The following CYLD variants were observed in gnomAD, a reference collection of about 807,000 sequenced individuals.
CYLD encodes ubiquitin carboxyl-terminal hydrolase CYLD.
A neutral mutation model predicts 104.5 loss-of-function variants in CYLD; 26 were observed. The ratio of observed to expected loss-of-function variants is 0.25; its 90% CI spans 0.18 to 0.35. The LOEUF (loss-of-function observed/expected upper bound fraction) is 0.35. Among genes scored for constraint, CYLD ranks in the 10% least tolerant of loss-of-function variants. CYLD has a pLI of 1.00. For missense variants in CYLD, 703 were observed against 1,136.1 expected, an observed-to-expected ratio of 0.62 and a Z score of 5.48; for synonymous variants, 385 against 399.9, an observed-to-expected ratio of 0.96 and a Z score of 0.45.
At chr16:50,769,792 A>G (rs1461952940) in intron 5 of CYLD, among the ~76,000 whole-genome samples, 2 of 152,120 alleles carry the variant, frequency 1.3e-5, no homozygotes, top group African/African-American at 4.8e-5. Flanking sequence ...CTGCCGCACA[A>G]ATTCCCTCTT....
intron 15 of CYLD, 44 bp downstream of exon 15, chr16:50,791,734 G>T: frequency 6.2e-7 from 1 of 1,602,266 alleles, no homozygotes; most frequent in Middle Eastern, 1.7e-4. Flanking sequence ...AAGTCTGTGG[G>T]AGTCTTAAGA....
chr16:50,787,924 A>G lies in CYLD; in HGVS notation c.2108+72A>G, dbSNP rs993629593. 13 of 879,560 alleles carry G rather than the reference A, an allele frequency of 1.5e-5. No individual in the cohort carries two copies. The Admixed American group carries it at 2.7e-4, about 18-fold the overall frequency. 54.5% of individuals were successfully genotyped at this position (879,560 alleles called of 1,614,324 possible). ...CATTTCTACTGCCATTATTCAACAG[A>G]CATGATTTCCAGAATGATTTCTTAA... On this transcript the variant is annotated intron_variant, in intron 14 of 18. Coordinates refer to ENST00000427738, the MANE Select transcript of CYLD (RefSeq NM_001378743.1).
chr16:50,748,847 A>T (rs1466831792), intron 2 of CYLD, among the ~76,000 whole-genome samples: 1 of 152,206 alleles, frequency 6.6e-6, no homozygotes, highest in Non-Finnish European at 1.5e-5. Flanking sequence ...TATCATAGCT[A>T]TCATTTATAG....
In CYLD at chr16:50,791,710, G is replaced by C; in HGVS notation, c.2241+20G>C. On this transcript the variant is annotated intron_variant, in intron 15 of 18. Coordinates refer to ENST00000427738, the MANE Select transcript of CYLD (RefSeq NM_001378743.1). The stretch of plus-strand genomic sequence containing the variant: ...GCAGAGGTTAGTGATACTCACCTGT[G>C]GTATTTTATGTGAAAGTCTGTGGGA... 6.2e-7 allele frequency: 1 copy of C among 1,613,014 alleles called. No individual in the cohort carries two copies. Among genetic ancestry groups the C allele is most frequent in the South Asian group, 1.1e-5 (1 of 91,042 alleles).
At chr16:50,768,351 GA>G (rs5816721) in intron 5 of CYLD, among the ~76,000 whole-genome samples, 4 of 151,480 alleles carry the variant, frequency 2.6e-5, no homozygotes, top group Non-Finnish European at 2.9e-5. Flanking sequence ...TTCTTGAGGG[GA>G]AAAAAAAGTC....
chr16:50,798,288 C>T lies in CYLD; in HGVS notation c.*1780C>T. On this transcript the variant is annotated 3_prime_UTR_variant, in exon 19 of 19. Transcript: ENST00000427738. ...CAGGTTTCTCATCCATGGATTCAAC[C>T]AACTGCAAATGGAAAATACGATTTT... The T allele has an allele frequency of 4.3e-6, 1 of 232,006 alleles. No homozygotes were observed. The allele number at this position is 232,006 out of a possible 1,614,324, so 14.4% of individuals were successfully genotyped here.
intron 12 of CYLD, chr16:50,786,617 G>A (rs139636543): frequency 4.7e-4 from 200 of 425,292 alleles, no homozygotes; most frequent in African/African-American, 3.8e-3. Flanking sequence ...AAAATTAGCT[G>A]GATGTGGTGG....
chr16:50,757,103 T>C lies in CYLD; in HGVS notation c.913+2679T>C, dbSNP rs186707138. Among the ~76,000 whole-genome samples the C allele has an allele frequency of 3.4e-3, 519 of 152,194 alleles. 3 individuals are homozygous for C. Among genetic ancestry groups the C allele is most frequent in the African/African-American group, 0.012 (500 of 41,528 alleles). ...TCACAATTGAATAAGCAAACTGAATTGTTTTTTTTTCAGGTCATTTCAGGT... is the reference window on the plus strand; with the variant it reads ...TCACAATTGAATAAGCAAACTGAATCGTTTTTTTTTCAGGTCATTTCAGGT... On this transcript the variant is annotated intron_variant, in intron 5 of 18. Coordinates refer to ENST00000427738, the MANE Select transcript of CYLD (RefSeq NM_001378743.1).
chr16:50,757,686 G>A (rs935338214), intron 5 of CYLD, among the ~76,000 whole-genome samples: 10 of 151,882 alleles, frequency 6.6e-5, no homozygotes, highest in Non-Finnish European at 5.9e-5. Context: ...ACAGGCGCCC[G>A]CCACCACGCC....
chr16:50,747,291 G>A (rs531483533), intron 2 of CYLD, among the ~76,000 whole-genome samples: 1 of 152,184 alleles, frequency 6.6e-6, no homozygotes, highest in South Asian at 2.1e-4. Context: ...GAACTGATTC[G>A]AAGCGATAAG....
In CYLD at chr16:50,798,307, C is replaced by T. The variant is rs138586985; in HGVS notation, c.*1799C>T. ...TTCAACCAACTGCAAATGGAAAATA[C>T]GATTTTTTTTAAAAAAAGGATGGTT... On this transcript the variant is annotated 3_prime_UTR_variant, in exon 19 of 19. Transcript: ENST00000427738. 1,798 of 231,260 alleles carry T rather than the reference C, an allele frequency of 7.8e-3. 31 individuals carry two copies. The highest frequency in any genetic ancestry group is 0.036 in the African/African-American group (1,621 of 45,304). The allele number at this position is 231,260 out of a possible 1,614,324, so 14.3% of individuals were successfully genotyped here.
chr16:50,775,649 A>G (rs954958403), intron 6 of CYLD, among the ~76,000 whole-genome samples: 2 of 152,322 alleles, frequency 1.3e-5, no homozygotes, highest in South Asian at 2.1e-4. Context: ...AAGTGGCACA[A>G]AAATTTTTAT....
Position 50,800,471 on chromosome 16 carries a change from C to T in CYLD, c.*3963C>T, listed in dbSNP as rs573701908. The T allele has an allele frequency of 4.3e-6, 1 of 233,216 alleles. No individual in the cohort carries two copies. The highest frequency in any genetic ancestry group is 6.0e-5 in the East Asian group (1 of 16,686). 14.4% of individuals were successfully genotyped at this position (233,216 alleles called of 1,614,324 possible). ...ATTTGTGTAAGAAATGCATTTTAGT[C>T]TGTGTACCTCAACCTGCTGTTTGTT... On this transcript the variant is annotated 3_prime_UTR_variant, in exon 19 of 19. Transcript: ENST00000427738.
In CYLD at chr16:50,798,816, GTCT is replaced by G. The variant is rs370824949; in HGVS notation, c.*2314_*2316del. Reference sequence around the variant, plus strand: ...TCATCCATAAATGATTTCTGGCAACGTCTTCTTCAGGTGGAGCTTGACGTCTTT... The same window carrying G: ...TCATCCATAAATGATTTCTGGCAACGTCTTCAGGTGGAGCTTGACGTCTTT... On this transcript the variant is annotated 3_prime_UTR_variant, in exon 19 of 19. Coordinates refer to ENST00000427738, the MANE Select transcript of CYLD (RefSeq NM_001378743.1). 64 of 233,414 alleles carry G rather than the reference GTCT, an allele frequency of 2.7e-4. No individual in the cohort carries two copies. Among genetic ancestry groups the G allele is most frequent in the African/African-American group, 1.3e-3 (59 of 45,456 alleles). The allele number at this position is 233,414 out of a possible 1,614,324, so 14.5% of individuals were successfully genotyped here.
At chr16:50,757,132 C>T (rs1967340752) in intron 5 of CYLD, among the ~76,000 whole-genome samples, 1 of 151,696 alleles carries the variant, frequency 6.6e-6, no homozygotes, top group Non-Finnish European at 1.5e-5. Flanking sequence ...TTCAGGTCCT[C>T]AGTTTCTTTT....
chr16:50,752,161 A>G (rs909967731), intron 4 of CYLD, among the ~76,000 whole-genome samples: 15 of 151,840 alleles, frequency 9.9e-5, no homozygotes, highest in Admixed American at 8.5e-4. Flanking sequence ...GAAATAGAAC[A>G]GGGGTCTAGA....
intron 14 of CYLD, among the ~76,000 whole-genome samples, chr16:50,788,937 G>T (rs143693513): frequency 6.6e-6 from 1 of 152,076 alleles, no homozygotes; most frequent in Admixed American, 6.5e-5. Flanking sequence ...GAAAGATTAC[G>T]TTCTGGGTAG....
At chr16:50,772,726 C>CTAGGCCAAAGGCAA (rs57327649) in intron 5 of CYLD, among the ~76,000 whole-genome samples, 1 of 152,104 alleles carries the variant, frequency 6.6e-6, no homozygotes, top group East Asian at 1.9e-4. Flanking sequence ...AGTAGAATTG[C>CTAGGCCAAAGGCAA]TATGCATTTT....
intron 5 of CYLD, among the ~76,000 whole-genome samples, chr16:50,757,191 T>C (rs940356479): frequency 1.7e-4 from 26 of 152,162 alleles, no homozygotes; most frequent in African/African-American, 5.6e-4. Flanking sequence ...AGGTTCCTTT[T>C]AGCGTGCACT....
Sources: allele counts gnomAD v4.1 joint callset (sites outside exome capture counted in the v4.1 genomes callset), GRCh38; gene constraint gnomAD v4.1.1; transcripts MANE v1.5; gene names NCBI Gene and HGNC (gene_info 2026-07-23, HGNC 2026-07-21).